SEC24B: variants seen among roughly 807,000 people sequenced by gnomAD.
The protein encoded by SEC24B is SEC24 homolog B, COPII component, also known as protein transport protein Sec24B.
Under a neutral mutation model 142.8 loss-of-function variants are expected in SEC24B, and 45 were observed. That is an observed-to-expected ratio of 0.32 (90% CI 0.25 to 0.40). The LOEUF (loss-of-function observed/expected upper bound fraction) is 0.40, where lower values mean the gene tolerates loss of function less well. Among genes scored for constraint, SEC24B ranks in the 10% least tolerant of loss-of-function variants. The probability of loss-of-function intolerance (pLI) is 1.00; values close to 1 mark genes in which losing one functional copy is unlikely to be tolerated. For missense variants in SEC24B, 1,409 were observed against 1,526.8 expected (o/e 0.92, Z 1.29); for synonymous variants, 574 against 568.2 (o/e 1.01, Z -0.15).
chr4:109,438,754 AC>A, intron 1 of SEC24B, among the ~76,000 whole-genome samples: 1 of 152,346 alleles, frequency 6.6e-6, no homozygotes, highest in East Asian at 1.9e-4. Context: ...ATTCGAAGAT[AC>A]AGCTTGACTT....
In SEC24B at chr4:109,473,149, C is replaced by G; in HGVS notation, c.1023C>G (p.Thr341=). 6.3e-7 allele frequency: 1 copy of G among 1,592,712 alleles called. No homozygotes were observed. The highest frequency in any genetic ancestry group is 8.5e-7 in the Non-Finnish European group (1 of 1,169,774). The change falls in exon 3 of 24, where the codon ACC becomes ACG. Residue 341 remains threonine (T), a synonymous_variant. Transcript: ENST00000265175. The part of the protein sequence containing the change: ...PTANHPVEPV[T]SVTQPSELLQ... ...CAAATCACCCAGTTGAGCCTGTGAC[C>G]TCAGTTACACAGCCATCAGAGCTAT...
In SEC24B at chr4:109,473,176, A is replaced by G; in HGVS notation, c.1050A>G (p.Leu350=). The G allele has an allele frequency of 6.4e-7, 1 of 1,569,048 alleles. No homozygotes were observed. ...VTSVTQPSEL[L]QQKGVQYGEY... Reference sequence around the variant, plus strand: ...CAGTTACACAGCCATCAGAGCTATTACAACAAAAAGGTATTTGAGATATTT... The same window carrying G: ...CAGTTACACAGCCATCAGAGCTATTGCAACAAAAAGGTATTTGAGATATTT... The change falls in exon 3 of 24, where the codon TTA becomes TTG. Residue 350 remains leucine (L), a synonymous_variant. Transcript: ENST00000265175.
chr4:109,466,291 A>G (rs186183719), intron 2 of SEC24B, among the ~76,000 whole-genome samples: 3 of 152,360 alleles, frequency 2.0e-5, no homozygotes, highest in Admixed American at 1.3e-4. Flanking sequence ...TACTAGGTAC[A>G]GGGTAAGGGA....
chr4:109,510,046 C>G lies in SEC24B; in HGVS notation c.1711C>G (p.Gln571Glu). ...RCTLTNIPQT[Q>E]ALLNKAKLPL... ...TACTTTGACAAATATTCCACAGACACAGGCTTTACTGAATAAAGCTAAGCT... is the reference window on the plus strand; with the variant it reads ...TACTTTGACAAATATTCCACAGACAGAGGCTTTACTGAATAAAGCTAAGCT... Residue 571 changes from glutamine (Q) to glutamate (E), a missense_variant, in exon 8 of 24, where the codon CAG (glutamine) becomes GAG (glutamate). By Grantham distance (29) the Gln-to-Glu change is conservative. Transcript: ENST00000265175. 1 of 1,610,344 alleles carries G rather than the reference C, an allele frequency of 6.2e-7. No individual in the cohort carries two copies. The highest frequency in any genetic ancestry group is 2.2e-5 in the East Asian group (1 of 44,650).
At chr4:109,475,352 G>C (rs1476758257) in intron 3 of SEC24B, among the ~76,000 whole-genome samples, 1 of 152,212 alleles carries the variant, frequency 6.6e-6, no homozygotes, top group South Asian at 2.1e-4. Flanking sequence ...TCTTCGAATT[G>C]TGCAGTGTAT....
intron 6 of SEC24B, among the ~76,000 whole-genome samples, chr4:109,504,555 C>G (rs1736495769): frequency 6.6e-6 from 1 of 151,872 alleles, no homozygotes; most frequent in Non-Finnish European, 1.5e-5. Flanking sequence ...GGAGTTAGAT[C>G]TAATGGTTGA....
At chr4:109,443,418 T>C (rs964414235) in intron 1 of SEC24B, among the ~76,000 whole-genome samples, 1 of 152,130 alleles carries the variant, frequency 6.6e-6, no homozygotes, top group Admixed American at 6.5e-5. Flanking sequence ...TATATAACTT[T>C]TATTTTAGAG....
chr4:109,529,419 G>A (rs1028356903), intron 18 of SEC24B, among the ~76,000 whole-genome samples: 3 of 151,690 alleles, frequency 2.0e-5, no homozygotes, highest in African/African-American at 7.3e-5. Flanking sequence ...TCTATTTTTA[G>A]TGCTTGGGCA....
intron 1 of SEC24B, among the ~76,000 whole-genome samples, chr4:109,444,911 A>T (rs1729292968): frequency 6.6e-6 from 1 of 152,178 alleles, no homozygotes; most frequent in Admixed American, 6.5e-5. Context: ...TTCAGAGATT[A>T]TATAAAAACT....
intron 6 of SEC24B, among the ~76,000 whole-genome samples, chr4:109,502,062 G>T (rs1285051408): frequency 6.6e-6 from 1 of 152,204 alleles, no homozygotes; most frequent in Non-Finnish European, 1.5e-5. Context: ...CTTCATTGTA[G>T]AAGTTAGGTT....
At chr4:109,441,673 A>G (rs184924865) in intron 1 of SEC24B, among the ~76,000 whole-genome samples, 4 of 152,044 alleles carry the variant, frequency 2.6e-5, no homozygotes, top group East Asian at 3.9e-4. Context: ...TTGGCCTCCC[A>G]GAGTGCTGGG....
rs553705634 is a variant in SEC24B, at chr4:109,434,951, A to G, written c.133+949A>G. Among the ~76,000 whole-genome samples the G allele has an allele frequency of 3.9e-5, 6 of 152,316 alleles. No individual in the cohort carries two copies. The South Asian group carries it at 8.3e-4, about 21-fold the overall frequency. ...GCGGATAGGGGCCAAGGGTGGAGGA[A>G]TTCTCCTTACAGACTTCTTAGTATG... On this transcript the variant is annotated intron_variant, in intron 1 of 23. Coordinates refer to ENST00000265175, the MANE Select transcript of SEC24B (RefSeq NM_006323.5).
rs1294983796 is a variant in SEC24B at position 109,445,365 on chromosome 4, T to A, written c.133+11363T>A. 2.1e-5 allele frequency among the ~76,000 whole-genome samples: 3 copies of A among 142,788 alleles called. No homozygotes were observed. In the Admixed American group the frequency reaches 2.1e-4, roughly 10 times the overall value. 93.7% of individuals were successfully genotyped at this position (142,788 alleles called of 152,430 possible). A position where few individuals can be genotyped will look rare whatever the true frequency, so the allele number is the denominator to read the frequency against. ...TTCACACCATTCTCCTGCCTCAGCC[T>A]CCCAAGCAGCTGGGACAACAGGCGC... is the stretch of plus-strand genomic sequence containing the variant. On this transcript the variant is annotated intron_variant, in intron 1 of 23. Coordinates refer to ENST00000265175, the MANE Select transcript of SEC24B (RefSeq NM_006323.5).
rs1337296415 is a variant in SEC24B, at chr4:109,521,164, A to G, written c.2293A>G (p.Ser765Gly). ...PDSLLVNLYE[S>G]KELIKDLLNA... ...TAGTTTACTTGTGAATCTATATGAA[A>G]GTAAAGAGGTAAGATTGATTTATTT... Residue 765 changes from serine (S) to glycine (G), a missense_variant, in exon 13 of 24, where the codon AGT becomes GGT. This residue lies in a region of SEC24B where 700 missense variants were observed against 853.3 expected (regional missense o/e 0.82). Coordinates refer to ENST00000265175, the MANE Select transcript of SEC24B (RefSeq NM_006323.5). The G allele has an allele frequency of 5.3e-6, 8 of 1,510,722 alleles. No individual in the cohort carries two copies. The highest frequency in any genetic ancestry group is 7.3e-6 in the Non-Finnish European group (8 of 1,091,572). 93.6% of individuals were successfully genotyped at this position (1,510,722 alleles called of 1,614,324 possible).
At chr4:109,442,487 C>T (rs189875098) in intron 1 of SEC24B, among the ~76,000 whole-genome samples, 6 of 152,166 alleles carry the variant, frequency 3.9e-5, no homozygotes, top group South Asian at 2.1e-4. Context: ...TTACATTCTT[C>T]GATCTGATTC....
chr4:109,519,579 C>T (rs980779228), intron 11 of SEC24B, among the ~76,000 whole-genome samples: 1 of 152,130 alleles, frequency 6.6e-6, no homozygotes, highest in African/African-American at 2.4e-5. Context: ...CAAATGACCC[C>T]ACTCCTCAGT....
rs570129880 is a variant in SEC24B at position 109,433,941 on chromosome 4, C to A, written c.72C>A (p.Ala24=). ...ARIPPKFGGA[A]VSGAAAPAGP... is the part of the protein sequence containing the mutation. ...TCCCGCCCAAGTTCGGCGGAGCGGC[C>A]GTCTCAGGAGCCGCAGCGCCCGCGG... The change falls in exon 1 of 24, where the codon GCC becomes GCA. Residue 24 remains alanine, a synonymous_variant. Transcript: ENST00000265175. The A allele has an allele frequency of 6.1e-5, 78 of 1,274,594 alleles. No homozygotes were observed. The South Asian group carries it at 1.7e-3, about 28-fold the overall frequency. 79.0% of individuals were successfully genotyped at this position (1,274,594 alleles called of 1,614,324 possible).
chr4:109,482,121 A>G (rs1043179921), intron 4 of SEC24B, among the ~76,000 whole-genome samples: 1 of 152,208 alleles, frequency 6.6e-6, no homozygotes, highest in African/African-American at 2.4e-5. Flanking sequence ...GCATCGTTTT[A>G]GGAATAATGC....
At chr4:109,434,902 C>CT (rs917450558) in intron 1 of SEC24B, among the ~76,000 whole-genome samples, 2 of 152,200 alleles carry the variant, frequency 1.3e-5, no homozygotes, top group Non-Finnish European at 2.9e-5. Context: ...TATGCATTCC[C>CT]TAATGCTGAG....
Sources: allele counts gnomAD v4.1 joint callset (sites outside exome capture counted in the v4.1 genomes callset), GRCh38; gene constraint gnomAD v4.1.1; regional missense constraint gnomAD v4.1.1; transcripts MANE v1.5; gene names NCBI Gene and HGNC (gene_info 2026-07-23, HGNC 2026-07-21).